SAMD12: variants seen among roughly 807,000 people sequenced by gnomAD.
The protein encoded by SAMD12 is sterile alpha motif domain containing 12, also known as sterile alpha motif domain-containing protein 12.
A neutral mutation model predicts 15.0 loss-of-function variants in SAMD12; 9 were observed. The observed-to-expected ratio is 0.60, with a 90% CI of 0.36 to 1.05. The LOEUF (loss-of-function observed/expected upper bound fraction) is 1.05, where lower values mean the gene tolerates loss of function less well. SAMD12 is among the 50% of genes least tolerant of loss of function. The pLI is 0.01. For missense variants in SAMD12, 230 were observed against 234.2 expected, an observed-to-expected ratio of 0.98 and a Z score of 0.12; for synonymous variants, 86 against 90.1, an observed-to-expected ratio of 0.96 and a Z score of 0.25.
chr8:118,486,713 G>A (rs79731797), intron 2 of SAMD12, among the ~76,000 whole-genome samples: 10,919 of 134,970 alleles, frequency 0.081, 543 homozygotes, highest in East Asian at 0.37. Flanking sequence ...GTGGTAATTT[G>A]CTAAATAACG....
intron 4 of SAMD12, among the ~76,000 whole-genome samples, chr8:118,307,888 G>T (rs948204299): frequency 6.6e-6 from 1 of 152,076 alleles, no homozygotes; most frequent in African/African-American, 2.4e-5. Context: ...AAGGAGAAAG[G>T]CGAGGTCAGG....
intron 4 of SAMD12, among the ~76,000 whole-genome samples, chr8:118,251,465 C>T (rs187037443): frequency 6.6e-6 from 1 of 152,202 alleles, no homozygotes; most frequent in Admixed American, 6.5e-5. Flanking sequence ...GTTTTCCAGT[C>T]CGTCTAGTGT....
At chr8:118,547,953 C>T (rs1253114332) in intron 2 of SAMD12, among the ~76,000 whole-genome samples, 1 of 152,142 alleles carries the variant, frequency 6.6e-6, no homozygotes, top group Non-Finnish European at 1.5e-5. Context: ...ACATGTAACA[C>T]ACTTGAGGAC....
chr8:118,604,531 C>T (rs1350509336), intron 1 of SAMD12, among the ~76,000 whole-genome samples: 1 of 152,122 alleles, frequency 6.6e-6, no homozygotes, highest in African/African-American at 2.4e-5. Flanking sequence ...ACCAATGAAA[C>T]ATTAGAGGGA....
At chr8:118,547,974 A>G (rs1826180368) in intron 2 of SAMD12, among the ~76,000 whole-genome samples, 1 of 152,198 alleles carries the variant, frequency 6.6e-6, no homozygotes, top group Admixed American at 6.5e-5. Context: ...ATCCTGGATT[A>G]ATAAAATATT....
chr8:118,481,675 T>G (rs1022855135), intron 2 of SAMD12, among the ~76,000 whole-genome samples: 1 of 152,150 alleles, frequency 6.6e-6, no homozygotes, highest in Non-Finnish European at 1.5e-5. Flanking sequence ...TTAAAAATGG[T>G]TGATCATAAT....
At chr8:118,505,852 CA>C (rs1256402131) in intron 2 of SAMD12, among the ~76,000 whole-genome samples, 1 of 152,004 alleles carries the variant, frequency 6.6e-6, no homozygotes, top group East Asian at 1.9e-4. Context: ...AAGCCACAAC[CA>C]AAAGTGATGC....
the SAMD12 span, among the ~76,000 whole-genome samples, chr8:118,155,112 T>C: frequency 6.6e-6 from 1 of 152,324 alleles, no homozygotes; most frequent in African/African-American, 2.4e-5. Flanking sequence ...TATATATGTG[T>C]GTGTAATGAA....
intron 3 of SAMD12, among the ~76,000 whole-genome samples, chr8:118,425,084 G>A (rs992782157): frequency 1.3e-5 from 2 of 151,818 alleles, no homozygotes; most frequent in Admixed American, 6.6e-5. Flanking sequence ...GACTACAGGC[G>A]CCCGCCACCA....
chr8:118,290,762 A>C (rs1218256426), intron 4 of SAMD12, among the ~76,000 whole-genome samples: 1 of 152,206 alleles, frequency 6.6e-6, no homozygotes, highest in Non-Finnish European at 1.5e-5. Context: ...CTGAGTGGGA[A>C]CTTGGTGGTG....
At chr8:118,355,915 C>A (rs943125295) in intron 4 of SAMD12, among the ~76,000 whole-genome samples, 5 of 152,170 alleles carry the variant, frequency 3.3e-5, no homozygotes, top group Non-Finnish European at 7.3e-5. Flanking sequence ...GGAAGTGATA[C>A]AGCTGTATAC....
chr8:118,247,728 G>A (rs1326027701), intron 4 of SAMD12, among the ~76,000 whole-genome samples: 3 of 151,994 alleles, frequency 2.0e-5, no homozygotes, highest in Non-Finnish European at 4.4e-5. Context: ...AAGTAGCTGG[G>A]ACTACAGGCA....
Position 118,478,587 on chromosome 8 carries a change from G to A in SAMD12, c.193-38626C>T, listed in dbSNP as rs535784641. ...TGTTCCCCTTTCAGGGTTGTGGCAA[G>A]CGAGGCACAAATAAGTTAACTTAGC... On this transcript the variant is annotated intron_variant, in intron 2 of 3. Transcript: ENST00000314727. 6.8e-4 allele frequency among the ~76,000 whole-genome samples: 104 copies of A among 152,358 alleles called. 1 individual carries two copies. The highest frequency in any genetic ancestry group is 2.4e-3 in the African/African-American group (99 of 41,584).
rs184716268 is a variant in SAMD12 at position 118,485,808 on chromosome 8, T to A, written c.193-45847A>T. Among the ~76,000 whole-genome samples, 1,195 of 152,268 alleles carry A rather than the reference T, an allele frequency of 7.8e-3. 7 individuals carry two copies. Among genetic ancestry groups the A allele is most frequent in the South Asian group, 0.01 (49 of 4,816 alleles). The stretch of plus-strand genomic sequence containing the variant: ...AATTACTCAATATTGGTATGGCAAA[T>A]CCAAACACAGCTGACTGGTTTTTAT... On this transcript the variant is annotated intron_variant, in intron 2 of 3. Transcript: ENST00000314727.
At chr8:118,321,148 T>TAAC (rs1563761480) in intron 4 of SAMD12, among the ~76,000 whole-genome samples, 2 of 6,274 alleles carry the variant, frequency 3.2e-4, no homozygotes, top group African/African-American at 1.7e-3. Flanking sequence ...ATAATAAATA[T>TAAC]ATATATATAT....
chr8:118,468,399 G>A (rs1823658882), intron 2 of SAMD12, among the ~76,000 whole-genome samples: 2 of 152,118 alleles, frequency 1.3e-5, no homozygotes, highest in Admixed American at 1.3e-4. Context: ...AAACGCCAGT[G>A]TCTTTCAACT....
At chr8:118,168,126 G>A in the SAMD12 span, among the ~76,000 whole-genome samples, 1 of 152,072 alleles carries the variant, frequency 6.6e-6, no homozygotes, top group Admixed American at 6.5e-5. Context: ...ATTTTCTCTT[G>A]CTGCTGCCAT....
At chr8:118,278,635 T>C (rs956085382) in intron 4 of SAMD12, among the ~76,000 whole-genome samples, 2 of 152,160 alleles carry the variant, frequency 1.3e-5, no homozygotes, top group Admixed American at 1.3e-4. Flanking sequence ...AACATAACCA[T>C]TTCTGCTCAA....
At chr8:118,435,068 A>C (rs1209850667) in intron 3 of SAMD12, among the ~76,000 whole-genome samples, 1 of 23,922 alleles carries the variant, frequency 4.2e-5, no homozygotes. Context: ...CCGCCACTGC[A>C]CTCCAGCCTG....
Sources: allele counts gnomAD v4.1 joint callset (sites outside exome capture counted in the v4.1 genomes callset), GRCh38; gene constraint gnomAD v4.1.1; transcripts MANE v1.5; gene names NCBI Gene and HGNC (gene_info 2026-07-23, HGNC 2026-07-21).